TAFA4: variants seen among roughly 807,000 people sequenced by gnomAD.
TAFA4 encodes the protein chemokine-like protein TAFA-4.
TAFA4 carries 20 observed loss-of-function variants against 21.1 expected under a neutral mutation model. The ratio of observed to expected loss-of-function variants is 0.95; its 90% CI spans 0.67 to 1.38. The LOEUF (loss-of-function observed/expected upper bound fraction) is 1.38. Ranked by LOEUF, TAFA4 falls within the 40% of genes most tolerant of loss-of-function variation. The pLI is 0.00. For missense variants in TAFA4, 211 were observed against 180.9 expected, an observed-to-expected ratio of 1.17 and a Z score of -0.95; for synonymous variants, 71 against 67.4, an observed-to-expected ratio of 1.05 and a Z score of -0.26.
intron 3 of TAFA4, among the ~76,000 whole-genome samples, chr3:68,811,790 C>T (rs1017931852): frequency 9.2e-5 from 14 of 152,162 alleles, no homozygotes; most frequent in African/African-American, 3.4e-4. Flanking sequence ...TCTACCAAGG[C>T]AGGCCAACAT....
intron 3 of TAFA4, among the ~76,000 whole-genome samples, chr3:68,806,571 T>C (rs763386010): frequency 6.6e-6 from 1 of 152,178 alleles, no homozygotes; most frequent in Non-Finnish European, 1.5e-5. Context: ...ATTCATTCAA[T>C]AGTTGTTTAC....
At chr3:68,763,015 G>A (rs1433687007) in intron 3 of TAFA4, among the ~76,000 whole-genome samples, 4 of 152,246 alleles carry the variant, frequency 2.6e-5, no homozygotes, top group African/African-American at 7.2e-5. Flanking sequence ...TCCTGCCTGG[G>A]CAACAGAGCG....
At chr3:68,915,705 T>G (rs999713931) in intron 1 of TAFA4, among the ~76,000 whole-genome samples, 1 of 152,154 alleles carries the variant, frequency 6.6e-6, no homozygotes, top group Admixed American at 6.5e-5. Flanking sequence ...TTTATGGGAC[T>G]GCATTTTTTC....
At chr3:68,815,713 G>A (rs1010024614) in intron 3 of TAFA4, among the ~76,000 whole-genome samples, 8 of 152,182 alleles carry the variant, frequency 5.3e-5, no homozygotes, top group African/African-American at 1.9e-4. Flanking sequence ...TACACTGTTG[G>A]TGGGACTGCA....
At chr3:68,781,712 A>G (rs1213243757) in intron 3 of TAFA4, among the ~76,000 whole-genome samples, 1 of 152,154 alleles carries the variant, frequency 6.6e-6, no homozygotes, top group Admixed American at 6.5e-5. Context: ...AATTCTACAC[A>G]AACTCTTCCA....
chr3:68,912,397 T>A (rs927195595), intron 1 of TAFA4, among the ~76,000 whole-genome samples: 1 of 152,240 alleles, frequency 6.6e-6, no homozygotes, highest in Non-Finnish European at 1.5e-5. Context: ...AAATGTTAGA[T>A]GCCTGACTTC....
chr3:68,814,702 T>C (rs1269286558), intron 3 of TAFA4, among the ~76,000 whole-genome samples: 1 of 152,050 alleles, frequency 6.6e-6, no homozygotes, highest in African/African-American at 2.4e-5. Context: ...TGCTCATGGG[T>C]AGGAAGAATC....
At chr3:68,738,914 G>A (rs113392411) in intron 5 of TAFA4, among the ~76,000 whole-genome samples, 161 bp downstream of exon 5, 549 of 152,212 alleles carry the variant, frequency 3.6e-3, no homozygotes, top group African/African-American at 0.011. Context: ...GAATGATGCC[G>A]GGAAATGCGC....
rs115208623 is a variant in TAFA4 at position 68,834,373 on chromosome 3, A to G, written c.130+46357T>C. ...TATACAGCTGAAATTTCAGCTATCTATATAACTTTTTTGTTAATTTATCTG... is the reference window on the plus strand; with the variant it reads ...TATACAGCTGAAATTTCAGCTATCTGTATAACTTTTTTGTTAATTTATCTG... On this transcript the variant is annotated intron_variant, in intron 3 of 5. Transcript: ENST00000295569. Among the ~76,000 whole-genome samples the G allele has an allele frequency of 7.3e-3, 1,116 of 152,242 alleles. 14 individuals are homozygous for G. The highest frequency in any genetic ancestry group is 0.026 in the African/African-American group (1,061 of 41,540).
chr3:68,769,630 G>A (rs1234385719), intron 3 of TAFA4, among the ~76,000 whole-genome samples: 3 of 152,118 alleles, frequency 2.0e-5, no homozygotes, highest in Admixed American at 2.0e-4. Flanking sequence ...ACCATACCCA[G>A]ATTTGATTTT....
At position 68,849,767 on chromosome 3, in the gene TAFA4, C is replaced by G. The variant is rs79129629; in HGVS notation, c.130+30963G>C. On this transcript the variant is annotated intron_variant, in intron 3 of 5. Transcript: ENST00000295569. The stretch of plus-strand genomic sequence containing the variant: ...TGAACACCAGCCCTTTCACAAAACC[C>G]CAGCCTTCATTCACATTGTATCTTA... Among the ~76,000 whole-genome samples, 1,141 of 152,256 alleles carry G rather than the reference C, an allele frequency of 7.5e-3. 19 individuals carry two copies. The highest frequency in any genetic ancestry group is 0.026 in the African/African-American group (1,062 of 41,552).
intron 3 of TAFA4, among the ~76,000 whole-genome samples, chr3:68,829,639 A>C (rs1342600911): frequency 6.6e-6 from 1 of 152,218 alleles, no homozygotes; most frequent in African/African-American, 2.4e-5. Context: ...GGATATTGGT[A>C]TAAAATTCTC....
At chr3:68,753,959 G>A (rs953600707) in intron 3 of TAFA4, among the ~76,000 whole-genome samples, 1 of 152,206 alleles carries the variant, frequency 6.6e-6, no homozygotes, top group African/African-American at 2.4e-5. Flanking sequence ...CTGACCTGCA[G>A]AAACATGGGG....
At chr3:68,765,014 G>C (rs1180845084) in intron 3 of TAFA4, among the ~76,000 whole-genome samples, 1 of 152,060 alleles carries the variant, frequency 6.6e-6, no homozygotes, top group Non-Finnish European at 1.5e-5. Context: ...AAAGAAGCCA[G>C]AAGGAGCAGT....
At chr3:68,822,109 T>C (rs925420366) in intron 3 of TAFA4, among the ~76,000 whole-genome samples, 17 of 152,196 alleles carry the variant, frequency 1.1e-4, no homozygotes, top group South Asian at 4.1e-4. Flanking sequence ...CACAGCTGTC[T>C]TTCTGAATTA....
chr3:68,894,662 A>T (rs1273730642), intron 1 of TAFA4, among the ~76,000 whole-genome samples: 2 of 152,232 alleles, frequency 1.3e-5, no homozygotes, highest in East Asian at 3.8e-4. Context: ...CAGCCAACAG[A>T]GTAGGCCATT....
intron 3 of TAFA4, among the ~76,000 whole-genome samples, chr3:68,845,439 T>C (rs1407737370): frequency 2.0e-5 from 3 of 152,242 alleles, no homozygotes; most frequent in African/African-American, 7.2e-5. Flanking sequence ...GTCTCCTGAA[T>C]ACAGCACAAC....
intron 4 of TAFA4, among the ~76,000 whole-genome samples, chr3:68,742,437 G>A (rs961246891): frequency 7.3e-6 from 1 of 136,094 alleles, no homozygotes; most frequent in African/African-American, 2.7e-5. Context: ...TGCTGCCTGT[G>A]AAGTCAGAAA....
At chr3:68,810,331 C>G (rs1454312186) in intron 3 of TAFA4, among the ~76,000 whole-genome samples, 1 of 152,088 alleles carries the variant, frequency 6.6e-6, no homozygotes, top group Admixed American at 6.6e-5. Flanking sequence ...GGGTGCAAGA[C>G]AGTGGATGCA....
Sources: gnomAD v4.1 joint callset for allele counts (sites outside exome capture counted in the v4.1 genomes callset) on GRCh38, gnomAD v4.1.1 for gene constraint, MANE v1.5 for transcripts, NCBI Gene and HGNC (gene_info 2026-07-23, HGNC 2026-07-21) for gene names.